Variants in GPHN observed in about 807,000 individuals in gnomAD.
GPHN encodes gephyrin.
In GPHN, 17 loss-of-function variants were observed where a neutral mutation model predicts 95.5. The observed-to-expected ratio is 0.18, with a 90% CI of 0.12 to 0.27. GPHN has a LOEUF of 0.27. Among genes scored for constraint, GPHN ranks in the 10% least tolerant of loss-of-function variants. The pLI is 1.00. For missense variants in GPHN, 660 were observed against 978.1 expected, an observed-to-expected ratio of 0.67 and a Z score of 4.34; for synonymous variants, 320 against 322.5, an observed-to-expected ratio of 0.99 and a Z score of 0.08.
intron 11 of GPHN, among the ~76,000 whole-genome samples, chr14:67,070,421 G>T (rs528375134): frequency 6.7e-6 from 1 of 148,908 alleles, no homozygotes; most frequent in Non-Finnish European, 1.5e-5. Context: ...TTACCGGCCG[G>T]GCGCGGTGGC....
intron 9 of GPHN, among the ~76,000 whole-genome samples, chr14:67,018,070 T>G (rs945263497): frequency 1.3e-5 from 2 of 152,216 alleles, no homozygotes; most frequent in African/African-American, 4.8e-5. Flanking sequence ...TGCAGTCTAC[T>G]TGGGGACTCA....
At chr14:66,840,551 C>T (rs1394230075) in intron 4 of GPHN, among the ~76,000 whole-genome samples, 3 of 151,942 alleles carry the variant, frequency 2.0e-5, no homozygotes, top group Non-Finnish European at 1.5e-5. Flanking sequence ...TCTGCCAGAC[C>T]GGTAGCACAG....
intron 20 of GPHN, among the ~76,000 whole-genome samples, chr14:67,168,429 T>C (rs1284302819): frequency 6.6e-6 from 1 of 152,186 alleles, no homozygotes; most frequent in African/African-American, 2.4e-5. Context: ...CTTAAAACAC[T>C]TCTTAAATCA....
At chr14:67,002,669 T>A (rs571507206) in intron 9 of GPHN, among the ~76,000 whole-genome samples, 1 of 151,604 alleles carries the variant, frequency 6.6e-6, no homozygotes, top group African/African-American at 2.4e-5. Flanking sequence ...GCACCTCATA[T>A]TCCTGTAAAA....
the GPHN span, among the ~76,000 whole-genome samples, chr14:67,429,971 A>C: frequency 4.6e-5 from 7 of 152,182 alleles, no homozygotes. Flanking sequence ...CTTCCTCAAG[A>C]TCACGTGGCT....
intron 5 of GPHN, among the ~76,000 whole-genome samples, chr14:66,894,961 G>A (rs2064751801): frequency 6.6e-6 from 1 of 152,182 alleles, no homozygotes. Context: ...GATTCCTCAA[G>A]GATCTAGAAC....
intron 9 of GPHN, among the ~76,000 whole-genome samples, chr14:66,967,191 T>G (rs1359439564): frequency 2.0e-5 from 3 of 151,950 alleles, no homozygotes; most frequent in Non-Finnish European, 4.4e-5. Flanking sequence ...GGTGTAATTT[T>G]TAATATACAC....
chr14:66,701,920 C>T (rs983625294), intron 2 of GPHN, among the ~76,000 whole-genome samples: 9 of 152,178 alleles, frequency 5.9e-5, no homozygotes, highest in African/African-American at 2.2e-4. Flanking sequence ...GGGTGGCATC[C>T]ATCTCTATAG....
chr14:67,684,025 C>A, the GPHN span, among the ~76,000 whole-genome samples: 1 of 152,198 alleles, frequency 6.6e-6, no homozygotes, highest in South Asian at 2.1e-4. Flanking sequence ...GATAAAAATT[C>A]TGCTGCTTCA....
chr14:67,356,437 A>C, the GPHN span, among the ~76,000 whole-genome samples: 1 of 143,036 alleles, frequency 7.0e-6, no homozygotes, highest in South Asian at 2.3e-4. Flanking sequence ...ACAAAAACAA[A>C]AAAAAAAAAA....
chr14:66,690,051 T>A (rs2067671405), intron 2 of GPHN, among the ~76,000 whole-genome samples: 2 of 151,984 alleles, frequency 1.3e-5, no homozygotes, highest in African/African-American at 4.8e-5. Flanking sequence ...TTTTACTTAT[T>A]TCAGCTTGGA....
At chr14:67,529,052 T>G in the GPHN span, among the ~76,000 whole-genome samples, 1 of 152,132 alleles carries the variant, frequency 6.6e-6, no homozygotes, top group Non-Finnish European at 1.5e-5. Context: ...TTGCTAGTCC[T>G]TTACACCTCT....
the GPHN span, among the ~76,000 whole-genome samples, chr14:67,445,757 G>A: frequency 1.3e-5 from 2 of 151,284 alleles, no homozygotes; most frequent in Non-Finnish European, 2.9e-5. Context: ...GCTAATTTTT[G>A]TATTTTTTTT....
the GPHN span, among the ~76,000 whole-genome samples, chr14:67,730,992 G>T: frequency 1.3e-5 from 2 of 152,158 alleles, no homozygotes; most frequent in South Asian, 2.1e-4. Context: ...TGAGATAAAA[G>T]ATATCTCATT....
At chr14:66,772,644 T>C (rs568664221) in intron 2 of GPHN, among the ~76,000 whole-genome samples, 1 of 152,334 alleles carries the variant, frequency 6.6e-6, no homozygotes, top group Admixed American at 6.5e-5. Flanking sequence ...TAGCACTATT[T>C]CTTCCTGAAT....
the GPHN span, chr14:67,204,562 C>G: frequency 1.9e-6 from 3 of 1,613,490 alleles, no homozygotes; most frequent in Non-Finnish European, 2.5e-6. Context: ...GTTTGTGACT[C>G]TTTCTGTGCA....
chr14:67,610,002 AG>A, the GPHN span, among the ~76,000 whole-genome samples: 1 of 152,090 alleles, frequency 6.6e-6, no homozygotes, highest in Non-Finnish European at 1.5e-5. Context: ...GAATGAGAGG[AG>A]GAGAAGGGCC....
chr14:66,852,428 C>T (rs961655890), intron 4 of GPHN, among the ~76,000 whole-genome samples: 2 of 152,174 alleles, frequency 1.3e-5, no homozygotes, highest in African/African-American at 2.4e-5. Context: ...CACACATTCA[C>T]GCGCTAAATG....
At chr14:67,638,714 G>A in the GPHN span, among the ~76,000 whole-genome samples, 9 of 152,212 alleles carry the variant, frequency 5.9e-5, no homozygotes, top group Non-Finnish European at 1.0e-4. Flanking sequence ...GCCTCTCAAG[G>A]TATAAATCCC....
Sources: gnomAD v4.1 joint callset for allele counts (sites outside exome capture counted in the v4.1 genomes callset) on GRCh38, gnomAD v4.1.1 for gene constraint, MANE v1.5 for transcripts, NCBI Gene and HGNC (gene_info 2026-07-23, HGNC 2026-07-21) for gene names.